GPHN: variants seen among roughly 807,000 people sequenced by gnomAD.
The protein encoded by GPHN is gephyrin.
In GPHN, 17 loss-of-function variants were observed where a neutral mutation model predicts 95.5. The ratio of observed to expected loss-of-function variants is 0.18; its 90% CI spans 0.12 to 0.27. The LOEUF is 0.27. Ranked by LOEUF, GPHN falls within the 10% of genes least tolerant of loss-of-function variation. The probability of loss-of-function intolerance (pLI) is 1.00; values close to 1 mark genes in which losing one functional copy is unlikely to be tolerated. For missense variants in GPHN, 660 were observed against 978.1 expected, an observed-to-expected ratio of 0.67 and a Z score of 4.34; for synonymous variants, 320 against 322.5, an observed-to-expected ratio of 0.99 and a Z score of 0.08.
At chr14:67,081,261 C>G (rs2076683353) in intron 11 of GPHN, among the ~76,000 whole-genome samples, 1 of 152,172 alleles carries the variant, frequency 6.6e-6, no homozygotes, top group African/African-American at 2.4e-5. Flanking sequence ...ACCACATCCC[C>G]ACCAACATCT....
intron 6 of GPHN, among the ~76,000 whole-genome samples, chr14:66,918,227 A>C (rs974899299): frequency 6.6e-6 from 1 of 151,476 alleles, no homozygotes; most frequent in African/African-American, 2.4e-5. Flanking sequence ...CTCTCTTTGG[A>C]GACATGGACA....
chr14:67,639,586 T>C, the GPHN span, among the ~76,000 whole-genome samples: 1 of 152,056 alleles, frequency 6.6e-6, no homozygotes, highest in Non-Finnish European at 1.5e-5. Context: ...GAGATAAACA[T>C]GGAGGTGAAA....
chr14:67,369,393 T>C, the GPHN span, among the ~76,000 whole-genome samples: 1 of 152,130 alleles, frequency 6.6e-6, no homozygotes, highest in African/African-American at 2.4e-5. Context: ...AAGAGAGAAA[T>C]AGACAAATCT....
chr14:67,111,144 T>G (rs1336031495), intron 14 of GPHN, among the ~76,000 whole-genome samples: 1 of 152,242 alleles, frequency 6.6e-6, no homozygotes, highest in African/African-American at 2.4e-5. Context: ...TCTGGAGATT[T>G]TCTTTTTAAT....
chr14:66,534,444 T>C (rs2059059828), intron 1 of GPHN, among the ~76,000 whole-genome samples: 1 of 152,204 alleles, frequency 6.6e-6, no homozygotes, highest in African/African-American at 2.4e-5. Flanking sequence ...TATACCTTGG[T>C]TCTTTTTATT....
At chr14:67,033,141 A>G (rs1161961100) in intron 10 of GPHN, among the ~76,000 whole-genome samples, 1 of 152,150 alleles carries the variant, frequency 6.6e-6, no homozygotes, top group East Asian at 1.9e-4. Context: ...GAATTGAAAA[A>G]CTCACTAGAG....
chr14:67,170,663 AG>A (rs1421785588), intron 21 of GPHN, among the ~76,000 whole-genome samples: 1 of 152,158 alleles, frequency 6.6e-6, no homozygotes, highest in Non-Finnish European at 1.5e-5. Context: ...CTGTCAGCAA[AG>A]GATGTTAAGA....
chr14:66,999,195 T>C (rs949618133), intron 9 of GPHN, among the ~76,000 whole-genome samples: 5 of 151,988 alleles, frequency 3.3e-5, no homozygotes, highest in Admixed American at 2.0e-4. Context: ...GTATTTTCAC[T>C]TCATCCATTT....
the GPHN span, chr14:67,199,701 C>A: frequency 6.3e-7 from 1 of 1,582,330 alleles, no homozygotes; most frequent in Middle Eastern, 1.7e-4. Flanking sequence ...TTTGCAGATG[C>A]ACCTCCTTCA....
intron 1 of GPHN, among the ~76,000 whole-genome samples, chr14:66,641,159 G>T (rs1056525782): frequency 1.3e-5 from 2 of 152,128 alleles, no homozygotes; most frequent in African/African-American, 4.8e-5. Context: ...ACGTATGATG[G>T]TTCAACTTAC....
the GPHN span, among the ~76,000 whole-genome samples, chr14:67,522,384 C>G: frequency 6.6e-6 from 1 of 152,160 alleles, no homozygotes; most frequent in African/African-American, 2.4e-5. Context: ...CTCTGTGCTT[C>G]CCTTTGCCAG....
intron 3 of GPHN, among the ~76,000 whole-genome samples, chr14:66,814,192 GCA>G (rs1405407447): frequency 6.6e-6 from 1 of 152,100 alleles, no homozygotes; most frequent in Non-Finnish European, 1.5e-5. Flanking sequence ...CACTAACATT[GCA>G]CAGAGAACAG....
chr14:67,618,801 A>G, the GPHN span, among the ~76,000 whole-genome samples: 1 of 152,324 alleles, frequency 6.6e-6, no homozygotes, highest in South Asian at 2.1e-4. Context: ...TTGTTAAACC[A>G]GCAGGGGGAG....
intron 4 of GPHN, among the ~76,000 whole-genome samples, chr14:66,870,298 G>T (rs556428940): frequency 1.3e-5 from 2 of 152,086 alleles, no homozygotes; most frequent in Non-Finnish European, 2.9e-5. Context: ...CCTTTCAGTG[G>T]CATCACCATG....
the GPHN span, among the ~76,000 whole-genome samples, chr14:67,566,589 G>T: frequency 2.0e-5 from 3 of 151,954 alleles, no homozygotes; most frequent in African/African-American, 7.2e-5. Flanking sequence ...TACCAAAAAA[G>T]ATACAAAAAT....
intron 1 of GPHN, among the ~76,000 whole-genome samples, chr14:66,657,957 A>T (rs889550499): frequency 2.0e-5 from 3 of 152,186 alleles, no homozygotes; most frequent in Admixed American, 6.5e-5. Context: ...TGCCATAGAT[A>T]GGGATTGCTG....
At chr14:67,576,645 C>T in the GPHN span, 1 of 547,946 alleles carries the variant, frequency 1.8e-6, no homozygotes, top group South Asian at 2.2e-5. The surrounding 1 kb of genome is among the most constrained non-coding windows in gnomAD (Gnocchi z 4.0). Flanking sequence ...CCCATCCAAG[C>T]TCCAGGGCCC....
chr14:67,429,472 G>A, the GPHN span, among the ~76,000 whole-genome samples: 1 of 148,564 alleles, frequency 6.7e-6, no homozygotes, highest in Non-Finnish European at 1.5e-5. Flanking sequence ...CTCATGATTC[G>A]CCCACCTCGG....
At chr14:66,966,474 T>C (rs2069335853) in intron 9 of GPHN, among the ~76,000 whole-genome samples, 1 of 152,076 alleles carries the variant, frequency 6.6e-6, no homozygotes, top group Non-Finnish European at 1.5e-5. Context: ...AAGAACATTG[T>C]AGACATTAAA....
Sources: allele counts gnomAD v4.1 joint callset (sites outside exome capture counted in the v4.1 genomes callset), GRCh38; gene constraint gnomAD v4.1.1; non-coding constraint Gnocchi (gnomAD v3.1); transcripts MANE v1.5; gene names NCBI Gene and HGNC (gene_info 2026-07-23, HGNC 2026-07-21).